Variants in PLCE1 observed in about 807,000 individuals in gnomAD.
The protein encoded by PLCE1 is 1-phosphatidylinositol 4,5-bisphosphate phosphodiesterase epsilon-1.
Under a neutral mutation model 242.8 loss-of-function variants are expected in PLCE1, and 119 were observed. The observed-to-expected ratio is 0.49, with a 90% CI of 0.42 to 0.57. The LOEUF (loss-of-function observed/expected upper bound fraction) is 0.57, where lower values mean the gene tolerates loss of function less well. Ranked by LOEUF, PLCE1 falls within the 20% of genes least tolerant of loss-of-function variation. The pLI, the probability that PLCE1 is intolerant of heterozygous loss-of-function variation, is 0.00. For missense variants in PLCE1, 2,441 were observed against 2,788.8 expected, an observed-to-expected ratio of 0.88 and a Z score of 2.81; for synonymous variants, 945 against 1,017.4, an observed-to-expected ratio of 0.93 and a Z score of 1.35.
intron 4 of PLCE1, among the ~76,000 whole-genome samples, chr10:94,184,645 A>G (rs1044387480): frequency 2.6e-5 from 4 of 152,064 alleles, no homozygotes; most frequent in Admixed American, 6.5e-5. Flanking sequence ...ACCTAACTTT[A>G]TACACTCACC....
chr10:93,996,440 G>C (rs1025337215), intron 1 of PLCE1, among the ~76,000 whole-genome samples: 1 of 152,186 alleles, frequency 6.6e-6, no homozygotes, highest in Non-Finnish European at 1.5e-5. Flanking sequence ...TTCTGGAAGA[G>C]GGGTGGAAGG....
At position 94,031,655 on chromosome 10, in the gene PLCE1, C is replaced by T. The variant is rs2061559574; in HGVS notation, c.609C>T (p.Thr203=). The T allele has an allele frequency of 2.5e-6, 4 of 1,613,682 alleles. No homozygotes were observed. Among genetic ancestry groups the T allele is most frequent in the Non-Finnish European group, 2.5e-6 (3 of 1,179,794 alleles). Residue 203 remains threonine, a synonymous_variant, in exon 2 of 33, where the codon ACC becomes ACT. Coordinates refer to ENST00000371380, the MANE Select transcript of PLCE1 (RefSeq NM_016341.4). The part of the protein sequence containing the change: ...VDRRMSDTFC[T]LSENLILDDC... Reference sequence around the variant, plus strand: ...GAAGAATGTCAGACACTTTCTGTACCCTATCAGAAAACTTAATTTTAGACG... The same window carrying T: ...GAAGAATGTCAGACACTTTCTGTACTCTATCAGAAAACTTAATTTTAGACG...
At chr10:94,171,528 T>G (rs573620588) in intron 4 of PLCE1, 32 bp downstream of exon 4, 78 of 1,540,202 alleles carry the variant, frequency 5.1e-5, no homozygotes, top group Non-Finnish European at 6.8e-5. Context: ...TCTTGGTATT[T>G]GACTCACCCG....
intron 2 of PLCE1, among the ~76,000 whole-genome samples, chr10:94,075,537 C>G (rs1275385812): frequency 6.6e-6 from 1 of 152,202 alleles, no homozygotes; most frequent in Non-Finnish European, 1.5e-5. Context: ...AAACTGCTGG[C>G]ATTCTGTTCT....
intron 3 of PLCE1, among the ~76,000 whole-genome samples, chr10:94,142,751 C>G (rs772821192): frequency 6.6e-6 from 1 of 152,132 alleles, no homozygotes; most frequent in Non-Finnish European, 1.5e-5. Context: ...AAGACAAGTA[C>G]CCTCCAGGTT....
chr10:94,069,629 C>T (rs2044295912), intron 2 of PLCE1, among the ~76,000 whole-genome samples: 1 of 151,902 alleles, frequency 6.6e-6, no homozygotes, highest in African/African-American at 2.4e-5. Flanking sequence ...AACAAACAAA[C>T]AAACAAACAA....
intron 30 of PLCE1, among the ~76,000 whole-genome samples, chr10:94,322,411 G>A (rs2053845341): frequency 6.6e-6 from 1 of 152,056 alleles, no homozygotes. Context: ...AGCAGTTTGG[G>A]AGGCTGAGGG....
chr10:94,309,755 CT>C (rs1276022569), intron 27 of PLCE1, among the ~76,000 whole-genome samples: 3 of 152,172 alleles, frequency 2.0e-5, no homozygotes, highest in Non-Finnish European at 4.4e-5. Flanking sequence ...AGAATCTGGG[CT>C]GAGTGCAGCG....
intron 11 of PLCE1, among the ~76,000 whole-genome samples, chr10:94,256,375 T>C (rs201805167): frequency 7.5e-6 from 1 of 133,792 alleles, no homozygotes. Context: ...AAACAGAAAA[T>C]AGAAAGAAAA....
chr10:94,031,589 C>A lies in PLCE1; in HGVS notation c.543C>A (p.Asp181Glu). ...TAGAGACAGGCAGAGCACACCCTGACAGCAGAAGGGCAGTATTTCATTTTC... is the reference window on the plus strand; with the variant it reads ...TAGAGACAGGCAGAGCACACCCTGAAAGCAGAAGGGCAGTATTTCATTTTC... ...VIIETGRAHP[D>E]SRRAVFHFHY... The change falls in exon 2 of 33, where the codon GAC becomes GAA. Residue 181 changes from aspartate (D) to glutamate (E), a missense_variant. Around this residue, in one of 5 missense-constraint regions of PLCE1, gnomAD observed 393 missense variants for 378.5 expected, o/e 1.04. Coordinates refer to ENST00000371380, the MANE Select transcript of PLCE1 (RefSeq NM_016341.4). 3 of 1,612,662 alleles carry A rather than the reference C, an allele frequency of 1.9e-6. No homozygotes were observed. The highest frequency in any genetic ancestry group is 2.5e-6 in the Non-Finnish European group (3 of 1,179,556).
chr10:94,066,805 A>G (rs570674448), intron 2 of PLCE1, among the ~76,000 whole-genome samples: 1 of 152,238 alleles, frequency 6.6e-6, no homozygotes, highest in South Asian at 2.1e-4. Flanking sequence ...ATGACACACA[A>G]TTTCATGGTT....
chr10:94,202,429 A>T (rs2136789272), intron 4 of PLCE1, among the ~76,000 whole-genome samples: 1 of 152,254 alleles, frequency 6.6e-6, no homozygotes, highest in African/African-American at 2.4e-5. Flanking sequence ...ATTCAGACCC[A>T]GATCATTGTC....
At chr10:94,124,551 T>G (rs954065457) in intron 2 of PLCE1, among the ~76,000 whole-genome samples, 1 of 152,184 alleles carries the variant, frequency 6.6e-6, no homozygotes, top group African/African-American at 2.4e-5. Flanking sequence ...GTTTCAGTTA[T>G]TTGCCCAGTA....
intron 2 of PLCE1, among the ~76,000 whole-genome samples, chr10:94,102,998 A>G (rs931370655): frequency 1.3e-5 from 2 of 152,262 alleles, no homozygotes; most frequent in Admixed American, 6.5e-5. Flanking sequence ...CATGTTTTAA[A>G]AGAGTTCTTG....
chr10:94,309,975 A>G (rs1219863672), intron 27 of PLCE1, among the ~76,000 whole-genome samples: 2 of 152,210 alleles, frequency 1.3e-5, no homozygotes, highest in African/African-American at 2.4e-5. Context: ...ACAGTGAGCT[A>G]TGATCACACC....
chr10:94,109,727 C>T (rs999431659), intron 2 of PLCE1, among the ~76,000 whole-genome samples: 1 of 152,172 alleles, frequency 6.6e-6, no homozygotes, highest in African/African-American at 2.4e-5. Context: ...TTTGCCTCTG[C>T]AACCAGCAAA....
chr10:94,291,888 C>T (rs1314587510), intron 22 of PLCE1, among the ~76,000 whole-genome samples: 1 of 152,112 alleles, frequency 6.6e-6, no homozygotes. Flanking sequence ...AAATCCTTCC[C>T]CTTCTTTGAT....
intron 2 of PLCE1, among the ~76,000 whole-genome samples, chr10:94,073,505 G>A (rs985460946): frequency 6.6e-6 from 1 of 152,192 alleles, no homozygotes; most frequent in Non-Finnish European, 1.5e-5. Flanking sequence ...AGATACGGAA[G>A]CAGAATTGAG....
At chr10:94,083,324 T>C (rs911943023) in intron 2 of PLCE1, among the ~76,000 whole-genome samples, 1 of 152,228 alleles carries the variant, frequency 6.6e-6, no homozygotes, top group African/African-American at 2.4e-5. Flanking sequence ...TTAAGATTAC[T>C]GATTCCAATA....
Sources: gnomAD v4.1 joint callset for allele counts (sites outside exome capture counted in the v4.1 genomes callset) on GRCh38, gnomAD v4.1.1 for gene constraint, gnomAD v4.1.1 regional missense constraint, MANE v1.5 for transcripts, NCBI Gene and HGNC (gene_info 2026-07-23, HGNC 2026-07-21) for gene names.